CTC1: variants seen among roughly 807,000 people sequenced by gnomAD.
The protein encoded by CTC1 is CST telomere replication complex component 1, also known as CST complex subunit CTC1.
CTC1 carries 91 observed loss-of-function variants against 136.3 expected under a neutral mutation model. The observed-to-expected ratio is 0.67, with a 90% CI of 0.56 to 0.79. The LOEUF (loss-of-function observed/expected upper bound fraction) is 0.79. Among genes scored for constraint, CTC1 ranks in the 30% least tolerant of loss-of-function variants. CTC1 has a pLI of 0.00. For synonymous variants in CTC1, 606 were observed against 613.8 expected (o/e 0.99, Z 0.19); for missense variants, 1,432 against 1,498.1 (o/e 0.96, Z 0.73).
In CTC1 at chr17:8,227,231, T is replaced by C. The variant is rs948026035; in HGVS notation, c.*949A>G. The C allele has an allele frequency of 6.6e-6, 1 of 150,576 alleles. No individual in the cohort carries two copies. Among genetic ancestry groups the C allele is most frequent in the Non-Finnish European group, 1.5e-5 (1 of 68,052 alleles). 9.3% of individuals were successfully genotyped at this position (150,576 alleles called of 1,614,324 possible). On this transcript the variant is annotated 3_prime_UTR_variant, in exon 23 of 23. Transcript: ENST00000651323. ...TCCCAGTAGCTCTGAAAGATGTGCC[T>C]CAGCTCATCTTTCCACCTCTCCATC...
rs756116061 is a variant in CTC1 at position 8,231,391 on chromosome 17, G to A, written c.2554C>T (p.Leu852Phe). The A allele has an allele frequency of 2.5e-6, 4 of 1,613,736 alleles. No individual in the cohort carries two copies. The highest frequency in any genetic ancestry group is 2.2e-5 in the East Asian group (1 of 44,862). Residue 852 changes from leucine to phenylalanine, a missense_variant, in exon 15 of 23, where the codon CTC (leucine) becomes TTC (phenylalanine). Leu to Phe is a conservative substitution (Grantham distance 22). Coordinates refer to ENST00000651323, the MANE Select transcript of CTC1 (RefSeq NM_025099.6). Reference sequence around the variant, plus strand: ...AGAGTCCAGTTGTCCTGGACAGTGAGGCAGGATGCACAGCCAGCCAACTCC... The same window carrying A: ...AGAGTCCAGTTGTCCTGGACAGTGAAGCAGGATGCACAGCCAGCCAACTCC... ...PLELAGCASC[L>F]TVQDNWTLEL... is the part of the protein sequence containing the mutation.
chr17:8,243,039 G>A lies in CTC1; in HGVS notation c.143C>T (p.Thr48Ile), dbSNP rs748150245. The A allele has an allele frequency of 1.2e-6, 2 of 1,614,028 alleles. No homozygotes were observed. Among genetic ancestry groups the A allele is most frequent in the African/African-American group, 1.3e-5 (1 of 75,050 alleles). The change falls in exon 2 of 23, where the codon ACT (threonine) becomes ATT (isoleucine). Residue 48 changes from threonine (T) to isoleucine (I), a missense_variant. By Grantham distance (89) the Thr-to-Ile change is moderately conservative (BLOSUM62 -1). Coordinates refer to ENST00000651323, the MANE Select transcript of CTC1 (RefSeq NM_025099.6). ...LTPLVIDCVKTVWLSQGRNQG... is the reference protein window; with the variant it reads ...LTPLVIDCVKIVWLSQGRNQG... Reference sequence around the variant, plus strand: ...GTTCCTTCCCTGGGACAACCAGACAGTCTTCACACAATCAATTACCAATGG... The same window carrying A: ...GTTCCTTCCCTGGGACAACCAGACAATCTTCACACAATCAATTACCAATGG...
rs553787024 is a variant in CTC1, at chr17:8,244,529, CT to C, written c.34-1382del. On this transcript the variant is annotated intron_variant, in intron 1 of 22. Transcript: ENST00000651323. ...ATCCTGGTCAATCTTTCACATTCCT[CT>C]TTTTTTTTTTTTGGAGACGGAGTCT... is the stretch of plus-strand genomic sequence containing the variant. Among the ~76,000 whole-genome samples, 547 of 145,378 alleles carry C rather than the reference CT, an allele frequency of 3.8e-3. 3 individuals are homozygous for C. Among genetic ancestry groups the C allele is most frequent in the African/African-American group, 8.2e-3 (326 of 39,906 alleles).
chr17:8,238,603 G>A lies in CTC1; in HGVS notation c.224C>T (p.Thr75Ile). ...YSFVSVQDLKTHQRLPCCSHL... is the reference protein window; with the variant it reads ...YSFVSVQDLKIHQRLPCCSHL... ...GCTGCAGCATGGGAGACGCTGGTGAGTCTTGAGGTCCTGTACTGAGACGAA... is the reference window on the plus strand; with the variant it reads ...GCTGCAGCATGGGAGACGCTGGTGAATCTTGAGGTCCTGTACTGAGACGAA... Residue 75 changes from threonine (T) to isoleucine (I), a missense_variant, in exon 3 of 23, where the codon ACT becomes ATT. Physicochemically the swap from Thr to Ile is moderately conservative, Grantham distance 89. Coordinates refer to ENST00000651323, the MANE Select transcript of CTC1 (RefSeq NM_025099.6). 4 of 1,611,196 alleles carry A rather than the reference G, an allele frequency of 2.5e-6. No individual in the cohort carries two copies. The highest frequency in any genetic ancestry group is 3.4e-6 in the Non-Finnish European group (4 of 1,178,470).
chr17:8,230,645 T>C lies in CTC1; in HGVS notation c.2676A>G (p.Thr892=), dbSNP rs757500589. Residue 892 remains threonine, a synonymous_variant, in exon 16 of 23, where the codon ACA becomes ACG. Coordinates refer to ENST00000651323, the MANE Select transcript of CTC1 (RefSeq NM_025099.6). ...SLTDLLSDNF[T]DSLVSFSAEI... is the part of the protein sequence containing the mutation. Reference sequence around the variant, plus strand: ...CAGCGGAGAAAGACACCAAGGAATCTGTGAAACTGGAAGGTCAGGGAAATA... The same window carrying C: ...CAGCGGAGAAAGACACCAAGGAATCCGTGAAACTGGAAGGTCAGGGAAATA... 1.9e-6 allele frequency: 3 copies of C among 1,613,954 alleles called. No individual in the cohort carries two copies. The highest frequency in any genetic ancestry group is 1.1e-5 in the South Asian group (1 of 91,084).
rs201731405 is a variant in CTC1, at chr17:8,242,988, T to C, written c.194A>G (p.Tyr65Cys). The C allele has an allele frequency of 4.7e-5, 76 of 1,611,094 alleles. No homozygotes were observed. In the Admixed American group the frequency reaches 9.9e-4, roughly 21 times the overall value. The change falls in exon 2 of 23, where the codon TAT becomes TGT. Residue 65 changes from tyrosine to cysteine, a missense_variant. Physicochemically the swap from Tyr to Cys is radical, Grantham distance 194. Coordinates refer to ENST00000651323, the MANE Select transcript of CTC1 (RefSeq NM_025099.6). ...CGCAACCGCCACCTCTCCTTACCTA[T>C]AGCTGAGGGGCAGTGTAGAACCTTG... is the stretch of plus-strand genomic sequence containing the variant. The part of the protein sequence containing the change: ...RNQGSTLPLS[Y>C]SFVSVQDLKT...
intron 4 of CTC1, among the ~76,000 whole-genome samples, chr17:8,237,762 T>C (rs1247517027): frequency 7.0e-6 from 1 of 142,078 alleles, no homozygotes; most frequent in Non-Finnish European, 1.5e-5. Flanking sequence ...CCTTCCACAG[T>C]AAAGAATAAC....
chr17:8,234,841 G>A lies in CTC1; in HGVS notation c.1525C>T (p.Pro509Ser), dbSNP rs369917627. The part of the protein sequence containing the change: ...SPSLGLQLLA[P>S]TLDLLAPPGS... Reference sequence around the variant, plus strand: ...GGCGGAGCTAGAAGATCCAGGGTAGGAGCCAGGAGTTGCAGTCCCAGGCTG... The same window carrying A: ...GGCGGAGCTAGAAGATCCAGGGTAGAAGCCAGGAGTTGCAGTCCCAGGCTG... The change falls in exon 9 of 23, where the codon CCT becomes TCT. Residue 509 changes from proline (P) to serine (S), a missense_variant. Pro to Ser is a moderately conservative substitution (Grantham distance 74, BLOSUM62 -1). Transcript: ENST00000651323. 1.9e-5 allele frequency: 31 copies of A among 1,613,418 alleles called. No homozygotes were observed. The highest frequency in any genetic ancestry group is 2.5e-5 in the Non-Finnish European group (30 of 1,179,750).
Position 8,235,202 on chromosome 17 carries a change from C to T in CTC1, c.1290G>A (p.Leu430=). 1 of 1,614,162 alleles carries T rather than the reference C, an allele frequency of 6.2e-7. No individual in the cohort carries two copies. Among genetic ancestry groups the T allele is most frequent in the South Asian group, 1.1e-5 (1 of 91,086 alleles). ...GCTTCTGACGAGAGAAGCTTTGAAG[C>T]AGAACGGCGCCACGGAGGCAGGGGG... is the stretch of plus-strand genomic sequence containing the variant. The part of the protein sequence containing the change: ...VLAPCLRGAV[L]LQSFSRQKPG... The change falls in exon 8 of 23, where the codon CTG becomes CTA. Residue 430 remains leucine (L), a synonymous_variant. Transcript: ENST00000651323.
intron 19 of CTC1, 47 bp from the exon 20 acceptor site, chr17:8,229,253 T>C: frequency 6.2e-7 from 1 of 1,614,086 alleles, no homozygotes; most frequent in South Asian, 1.1e-5. Context: ...TCCCATCACA[T>C]CCCTCTGGCA....
chr17:8,233,135 C>A, intron 10 of CTC1, 103 bp from the exon 11 acceptor site: 460 of 1,240,648 alleles, frequency 3.7e-4, no homozygotes, highest in East Asian at 9.0e-4. Context: ...ACAAAATGAA[C>A]AAAAAAGACA....
Position 8,228,812 on chromosome 17 carries a change from G to C in CTC1, c.3302C>G (p.Pro1101Arg), listed in dbSNP as rs1336421500. The change falls in exon 21 of 23, where the codon CCT (proline) becomes CGT (arginine). Residue 1101 changes from proline to arginine, a missense_variant. Transcript: ENST00000651323. ...HHVAAALGLC[P>R]REWASLLDFV... The stretch of plus-strand genomic sequence containing the variant: ...ATCTAGGAGGGAGGCCCACTCTCTA[G>C]GACACAGCCCTAGTGCTGCTGCCAC... 1 of 1,613,936 alleles carries C rather than the reference G, an allele frequency of 6.2e-7. No individual in the cohort carries two copies. Among genetic ancestry groups the C allele is most frequent in the Non-Finnish European group, 8.5e-7 (1 of 1,179,988 alleles).
Position 8,228,974 on chromosome 17 carries a change from C to T in CTC1, c.3222-82G>A, listed in dbSNP as rs545021680. ...TGGACCCAACATGCCTCCCTCCCCGCTGTCTGCAGTCTTTGGCTCACAGAT... is the reference window on the plus strand; with the variant it reads ...TGGACCCAACATGCCTCCCTCCCCGTTGTCTGCAGTCTTTGGCTCACAGAT... On this transcript the variant is annotated intron_variant, in intron 20 of 22. Coordinates refer to ENST00000651323, the MANE Select transcript of CTC1 (RefSeq NM_025099.6). 30 of 1,512,426 alleles carry T rather than the reference C, an allele frequency of 2.0e-5. No homozygotes were observed. The East Asian group carries it at 6.8e-4, about 34-fold the overall frequency. 93.7% of individuals were successfully genotyped at this position (1,512,426 alleles called of 1,614,324 possible).
chr17:8,228,211 C>T lies in CTC1; in HGVS notation c.3623G>A (p.Ser1208Asn), dbSNP rs1441067860. The T allele has an allele frequency of 1.2e-6, 2 of 1,613,978 alleles. No individual in the cohort carries two copies. Among genetic ancestry groups the T allele is most frequent in the Non-Finnish European group, 8.5e-7 (1 of 1,179,976 alleles). The part of the protein sequence containing the change: ...CLSIRESEYS[S>N]SLGILASSC ...GGAGGAAGCAAGGATCCCCAGAGAG[C>T]TGGAGTACTCTGACTCTCGGATAGA... Residue 1208 changes from serine to asparagine, a missense_variant, in exon 23 of 23, where the codon AGC becomes AAC. Physicochemically the swap from Ser to Asn is conservative, Grantham distance 46 (BLOSUM62 1). Coordinates refer to ENST00000651323, the MANE Select transcript of CTC1 (RefSeq NM_025099.6).
rs1031804178 is a variant in CTC1 at position 8,224,916 on chromosome 17, C to G, written c.*3264G>C. 3.9e-5 allele frequency: 6 copies of G among 152,162 alleles called. No homozygotes were observed. The highest frequency in any genetic ancestry group is 1.4e-4 in the African/African-American group (6 of 41,412). The allele number at this position is 152,162 out of a possible 1,614,324, so 9.4% of individuals were successfully genotyped here. A position where few individuals can be genotyped will look rare whatever the true frequency, so the allele number is the denominator to read the frequency against. On this transcript the variant is annotated 3_prime_UTR_variant, in exon 23 of 23. Transcript: ENST00000651323. ...GTGGCGCGATCTCGGCTGACAACAC[C>G]TCCTCCCCCCTCCAAGGTTGAAGCG...
chr17:8,231,435 C>G lies in CTC1; in HGVS notation c.2510G>C (p.Cys837Ser), dbSNP rs377390001. Residue 837 changes from cysteine to serine, a missense_variant, in exon 15 of 23, where the codon TGC becomes TCC. Coordinates refer to ENST00000651323, the MANE Select transcript of CTC1 (RefSeq NM_025099.6). ...PMLFEKDGSS[C>S]ISRRPLELAG... is the part of the protein sequence containing the mutation. The stretch of plus-strand genomic sequence containing the variant: ...CAACTCCAGAGGACGCCGAGATATG[C>G]AGGATGAACCATCCTTTTCAAACAA... The G allele has an allele frequency of 6.8e-6, 11 of 1,611,898 alleles. No individual in the cohort carries two copies. The African/African-American group carries it at 1.5e-4, about 22-fold the overall frequency.
At chr17:8,247,677 T>C in intron 1 of CTC1, 1 of 275,138 alleles carries the variant, frequency 3.6e-6, no homozygotes, top group Non-Finnish European at 7.0e-6. Flanking sequence ...ATGGTTGCCC[T>C]TTTCCCCTAC....
chr17:8,235,212 C>A lies in CTC1; in HGVS notation c.1280G>T (p.Gly427Val), dbSNP rs781203515. 4.3e-6 allele frequency: 7 copies of A among 1,614,128 alleles called. No individual in the cohort carries two copies. Among genetic ancestry groups the A allele is most frequent in the Non-Finnish European group, 5.9e-6 (7 of 1,180,018 alleles). Residue 427 changes from glycine to valine, a missense_variant, in exon 8 of 23, where the codon GGC (glycine) becomes GTC (valine). Transcript: ENST00000651323. The stretch of plus-strand genomic sequence containing the variant: ...AGAGAAGCTTTGAAGCAGAACGGCG[C>A]CACGGAGGCAGGGGGCGAGCACTGG... ...RRPVLAPCLR[G>V]AVLLQSFSRQ...
At chr17:8,242,088 G>A (rs1988275910) in intron 2 of CTC1, among the ~76,000 whole-genome samples, 1 of 151,696 alleles carries the variant, frequency 6.6e-6, no homozygotes, top group South Asian at 2.1e-4. Context: ...AGAGTGCAAT[G>A]GTGCGATCTT....
Sources: allele counts gnomAD v4.1 joint callset (sites outside exome capture counted in the v4.1 genomes callset), GRCh38; gene constraint gnomAD v4.1.1; transcripts MANE v1.5; gene names NCBI Gene and HGNC (gene_info 2026-07-23, HGNC 2026-07-21).